PPM1L: variants seen among roughly 807,000 people sequenced by gnomAD.
PPM1L encodes the protein protein phosphatase, Mg2+/Mn2+ dependent 1L, also known as protein phosphatase 1L.
PPM1L carries 13 observed loss-of-function variants against 31.4 expected under a neutral mutation model. The observed-to-expected ratio is 0.41, with a 90% CI of 0.27 to 0.66. The LOEUF (loss-of-function observed/expected upper bound fraction) is 0.66. Among genes scored for constraint, PPM1L ranks in the 30% least tolerant of loss-of-function variants. The pLI, the probability that PPM1L is intolerant of heterozygous loss-of-function variation, is 0.29. For synonymous variants in PPM1L, 184 were observed against 175.4 expected (o/e 1.05, Z -0.39); for missense variants, 326 against 453.7 (o/e 0.72, Z 2.56).
In PPM1L at chr3:160,756,261, C is replaced by T. The variant is rs749046926; in HGVS notation, c.-48C>T. The T allele has an allele frequency of 3.2e-6, 5 of 1,565,124 alleles. No individual in the cohort carries two copies. In the Admixed American group the frequency reaches 7.0e-5, roughly 22 times the overall value. ...CGCAGTGCTCCCGGACCCGGCGAGC[C>T]TTCGGGGCGCGCGTCGCTGGTGGTG... On this transcript the variant is annotated 5_prime_UTR_variant, in exon 1 of 4. Coordinates refer to ENST00000498165, the MANE Select transcript of PPM1L (RefSeq NM_139245.4). This position sits in a 1 kb window ranked among gnomAD's most constrained non-coding sequence, Gnocchi z 6.2.
At chr3:160,816,694 G>A (rs1467128690) in intron 1 of PPM1L, among the ~76,000 whole-genome samples, 1 of 151,978 alleles carries the variant, frequency 6.6e-6, no homozygotes, top group African/African-American at 2.4e-5. Context: ...AACTATAACT[G>A]GAAGAAGTTA....
intron 2 of PPM1L, among the ~76,000 whole-genome samples, chr3:160,980,086 A>AG (rs1716743828): frequency 1.3e-5 from 2 of 151,882 alleles, no homozygotes; most frequent in African/African-American, 2.4e-5. Flanking sequence ...AAAAAATAAA[A>AG]ATTCATCTGA....
chr3:160,841,206 A>C (rs1285989339), intron 1 of PPM1L, among the ~76,000 whole-genome samples: 2 of 151,926 alleles, frequency 1.3e-5, no homozygotes, highest in South Asian at 4.2e-4. Flanking sequence ...TTCTCCTGAT[A>C]GCTTACTTCT....
At chr3:161,040,377 A>G (rs763479142) in intron 2 of PPM1L, among the ~76,000 whole-genome samples, 9 of 152,196 alleles carry the variant, frequency 5.9e-5, no homozygotes, top group Non-Finnish European at 1.2e-4. Context: ...CATCCATTGT[A>G]TCGAGGGACT....
chr3:160,958,556 C>G (rs948422093), intron 1 of PPM1L, among the ~76,000 whole-genome samples: 4 of 152,144 alleles, frequency 2.6e-5, no homozygotes. Flanking sequence ...TGCAGTGTGT[C>G]TCTTCATTTT....
At position 161,075,867 on chromosome 3, in the gene PPM1L, T is replaced by C. The variant is rs992857919; in HGVS notation, c.*6710T>C. 2 of 152,204 alleles carry C rather than the reference T, an allele frequency of 1.3e-5. No homozygotes were observed. The highest frequency in any genetic ancestry group is 4.8e-5 in the African/African-American group (2 of 41,456). 9.4% of individuals were successfully genotyped at this position (152,204 alleles called of 1,614,324 possible). ...TCCATTTTTTTCTGATGAAAATGGA[T>C]ACATGAGATCTCATTTATTGCTCTC... On this transcript the variant is annotated 3_prime_UTR_variant, in exon 4 of 4. Transcript: ENST00000498165.
intron 1 of PPM1L, among the ~76,000 whole-genome samples, chr3:160,943,949 A>G (rs954895846): frequency 1.5e-4 from 23 of 152,180 alleles, no homozygotes; most frequent in African/African-American, 5.6e-4. Flanking sequence ...ATAATTGGGT[A>G]TATTGTAGAT....
intron 1 of PPM1L, among the ~76,000 whole-genome samples, chr3:160,936,200 C>CT (rs1342065271): frequency 6.6e-6 from 1 of 152,114 alleles, no homozygotes; most frequent in African/African-American, 2.4e-5. Context: ...AGCGATTCTC[C>CT]TGCCTCAGCC....
At chr3:160,994,466 G>C (rs958842255) in intron 2 of PPM1L, among the ~76,000 whole-genome samples, 1 of 152,134 alleles carries the variant, frequency 6.6e-6, no homozygotes, top group African/African-American at 2.4e-5. Flanking sequence ...CTGGGGCCTC[G>C]ATCCCCTGTA....
chr3:160,816,210 G>A (rs1712989200), intron 1 of PPM1L, among the ~76,000 whole-genome samples: 1 of 151,696 alleles, frequency 6.6e-6, no homozygotes, highest in Admixed American at 6.6e-5. Context: ...ATGGAGAAAG[G>A]AGTGGATTGT....
At chr3:160,861,992 T>C (rs1307304050) in intron 1 of PPM1L, among the ~76,000 whole-genome samples, 1 of 152,204 alleles carries the variant, frequency 6.6e-6, no homozygotes, top group Non-Finnish European at 1.5e-5. Flanking sequence ...CAGGAAAATA[T>C]TCCCATCTCA....
At chr3:161,022,657 C>CTTTTT (rs71147399) in intron 2 of PPM1L, among the ~76,000 whole-genome samples, 57 of 93,716 alleles carry the variant, frequency 6.1e-4, no homozygotes, top group Admixed American at 8.1e-4. Flanking sequence ...ATTTCTCCTT[C>CTTTTT]TTTTTTTTTT....
intron 1 of PPM1L, among the ~76,000 whole-genome samples, chr3:160,773,395 A>G (rs1217133989): frequency 6.6e-6 from 1 of 152,060 alleles, no homozygotes; most frequent in African/African-American, 2.4e-5. Context: ...AAAAAAAGGC[A>G]AAAGGGAAAG....
chr3:161,047,962 T>C (rs928800764), intron 2 of PPM1L, among the ~76,000 whole-genome samples: 8 of 152,294 alleles, frequency 5.3e-5, no homozygotes, highest in South Asian at 4.1e-4. Flanking sequence ...ACTTAAATGT[T>C]AGACCTAAAA....
intron 2 of PPM1L, among the ~76,000 whole-genome samples, chr3:161,013,641 A>C (rs527654403): frequency 2.0e-5 from 3 of 152,218 alleles, no homozygotes; most frequent in Admixed American, 2.0e-4. Flanking sequence ...GTCTCCCATT[A>C]TTATTGTGTG....
At chr3:160,816,614 G>C (rs146036142) in intron 1 of PPM1L, among the ~76,000 whole-genome samples, 2 of 151,656 alleles carry the variant, frequency 1.3e-5, no homozygotes, top group Non-Finnish European at 2.9e-5. Flanking sequence ...CTGTAGATAT[G>C]TATCTTCAGT....
intron 2 of PPM1L, among the ~76,000 whole-genome samples, chr3:161,006,661 A>T (rs1453098475): frequency 6.6e-6 from 1 of 150,784 alleles, no homozygotes; most frequent in African/African-American, 2.4e-5. Context: ...CAAACACTTC[A>T]GAAAACCCAC....
chr3:160,928,075 T>C (rs1050612208), intron 1 of PPM1L, among the ~76,000 whole-genome samples: 2 of 152,168 alleles, frequency 1.3e-5, no homozygotes, highest in Non-Finnish European at 2.9e-5. Context: ...ATCTATTTGC[T>C]CTAGAAAATA....
intron 1 of PPM1L, among the ~76,000 whole-genome samples, chr3:160,901,007 G>C (rs1275327878): frequency 1.3e-5 from 2 of 151,964 alleles, no homozygotes; most frequent in African/African-American, 4.8e-5. Flanking sequence ...TAGCTCAATG[G>C]ACACTATTTC....
Sources: gnomAD v4.1 joint callset for allele counts (sites outside exome capture counted in the v4.1 genomes callset) on GRCh38, gnomAD v4.1.1 for gene constraint, Gnocchi (gnomAD v3.1) non-coding constraint, MANE v1.5 for transcripts, NCBI Gene and HGNC (gene_info 2026-07-23, HGNC 2026-07-21) for gene names.